ADAMTSL1: variants seen among roughly 807,000 people sequenced by gnomAD.
The protein encoded by ADAMTSL1 is ADAMTS like 1.
ADAMTSL1 carries 126 observed loss-of-function variants against 201.8 expected under a neutral mutation model. That is an observed-to-expected ratio of 0.62 (90% CI 0.54 to 0.72). The LOEUF (loss-of-function observed/expected upper bound fraction) is 0.72, where lower values mean the gene tolerates loss of function less well. Among genes scored for constraint, ADAMTSL1 ranks in the 30% least tolerant of loss-of-function variants. The pLI is 0.00. For synonymous variants in ADAMTSL1, 1,121 were observed against 903.4 expected (o/e 1.24, Z -4.32); for missense variants, 2,679 against 2,277.8 (o/e 1.18, Z -3.59).
chr9:18,333,227 C>A (rs541042699), intron 2 of ADAMTSL1, among the ~76,000 whole-genome samples: 1 of 152,242 alleles, frequency 6.6e-6, no homozygotes, highest in South Asian at 2.1e-4. Flanking sequence ...TCTTGAATGG[C>A]AATCCCCATA....
chr9:18,270,036 A>G (rs72684982), intron 2 of ADAMTSL1, among the ~76,000 whole-genome samples: 6,912 of 152,186 alleles, frequency 0.045, 244 homozygotes, highest in Non-Finnish European at 0.074. Flanking sequence ...AAGTGACTTT[A>G]TCATAGTCCA....
At chr9:18,034,522 C>G (rs925766430) in intron 1 of ADAMTSL1, among the ~76,000 whole-genome samples, 2 of 152,118 alleles carry the variant, frequency 1.3e-5, no homozygotes, top group African/African-American at 4.8e-5. Context: ...ATTTTCTTTC[C>G]CTTTTTTCAA....
chr9:18,589,855 A>C (rs936985300), intron 4 of ADAMTSL1, among the ~76,000 whole-genome samples: 1 of 152,084 alleles, frequency 6.6e-6, no homozygotes, highest in Non-Finnish European at 1.5e-5. Context: ...GATTTTGTTC[A>C]TGTACTGTAT....
chr9:17,961,544 C>A (rs1438958978), intron 1 of ADAMTSL1, among the ~76,000 whole-genome samples: 1 of 152,172 alleles, frequency 6.6e-6, no homozygotes, highest in Non-Finnish European at 1.5e-5. Flanking sequence ...AGCCACCACA[C>A]CAGGCCTATT....
chr9:18,769,200 A>T (rs1021690370), intron 16 of ADAMTSL1, among the ~76,000 whole-genome samples: 1 of 152,030 alleles, frequency 6.6e-6, no homozygotes, highest in African/African-American at 2.4e-5. Context: ...CCGGCAAAAA[A>T]CCCCATAGCC....
chr9:18,024,841 A>G (rs1271310836), intron 1 of ADAMTSL1, among the ~76,000 whole-genome samples: 1 of 152,168 alleles, frequency 6.6e-6, no homozygotes, highest in Admixed American at 6.6e-5. Flanking sequence ...AGAAATCTCC[A>G]AATTGTTTTC....
At chr9:17,992,075 C>G (rs1819174658) in intron 1 of ADAMTSL1, among the ~76,000 whole-genome samples, 1 of 152,100 alleles carries the variant, frequency 6.6e-6, no homozygotes, top group Admixed American at 6.6e-5. Context: ...TATTTTGCCC[C>G]TTCTGTGGGT....
chr9:18,702,053 A>G (rs1347525476), intron 13 of ADAMTSL1, among the ~76,000 whole-genome samples: 5 of 152,188 alleles, frequency 3.3e-5, no homozygotes, highest in African/African-American at 9.6e-5. Context: ...TTACATGGAT[A>G]GCGGCAGGCA....
At chr9:18,394,824 T>G (rs754025330) in intron 2 of ADAMTSL1, among the ~76,000 whole-genome samples, 67 of 152,196 alleles carry the variant, frequency 4.4e-4, no homozygotes, top group Non-Finnish European at 8.7e-4. Context: ...ATTATGCTAT[T>G]AAATGGAACA....
rs111881967 is a variant in ADAMTSL1 at position 18,889,792 on chromosome 9, G to A, written c.4643+44G>A. The A allele has an allele frequency of 2.3e-4, 320 of 1,403,656 alleles. 2 individuals are homozygous for A. In the African/African-American group the frequency reaches 4.1e-3, roughly 18 times the overall value. The allele number at this position is 1,403,656 out of a possible 1,614,324, so 87.0% of individuals were successfully genotyped here. A position where few individuals can be genotyped will look rare whatever the true frequency, so the allele number is the denominator to read the frequency against. ...GGCTCAGACCTCCCCACCCTAGGAG[G>A]AGCCCTCCCTGTTAGCGAAGTCAGT... On this transcript the variant is annotated intron_variant, in intron 25 of 28. Coordinates refer to ENST00000380548, the MANE Select transcript of ADAMTSL1 (RefSeq NM_001040272.6).
chr9:18,663,338 G>T (rs540046313), intron 9 of ADAMTSL1, among the ~76,000 whole-genome samples: 1 of 152,084 alleles, frequency 6.6e-6, no homozygotes, highest in East Asian at 1.9e-4. Context: ...TAAAATTTAG[G>T]TGAAGTTTAA....
chr9:18,269,223 A>G (rs1338090478), intron 2 of ADAMTSL1, among the ~76,000 whole-genome samples: 3 of 152,164 alleles, frequency 2.0e-5, no homozygotes, highest in African/African-American at 7.2e-5. Context: ...TTATTTATAT[A>G]CATATCATTT....
intron 1 of ADAMTSL1, among the ~76,000 whole-genome samples, chr9:18,108,415 G>T (rs1564004881): frequency 1.3e-5 from 2 of 151,976 alleles, no homozygotes; most frequent in South Asian, 4.2e-4. Context: ...GCACAGGCTG[G>T]TCTTGAACTC....
intron 1 of ADAMTSL1, among the ~76,000 whole-genome samples, chr9:18,004,273 A>C (rs1427324996): frequency 1.3e-5 from 2 of 152,064 alleles, no homozygotes; most frequent in East Asian, 3.9e-4. Context: ...AAGGAAGGAC[A>C]GGAAGGAGAC....
In ADAMTSL1 at chr9:18,684,966, C is replaced by A. The variant is rs1327694285; in HGVS notation, c.1574+166C>A. The A allele has an allele frequency of 3.6e-6, 5 of 1,387,684 alleles. 1 individual carries two copies. The highest frequency in any genetic ancestry group is 1.5e-5 in the African/African-American group (1 of 68,390). 86.0% of individuals were successfully genotyped at this position (1,387,684 alleles called of 1,614,324 possible). On this transcript the variant is annotated intron_variant, in intron 13 of 28. Coordinates refer to ENST00000380548, the MANE Select transcript of ADAMTSL1 (RefSeq NM_001040272.6). ...TTGATTAGTTTCAAAAAGTGTTTGT[C>A]AAAGCTGATGATTGCATTGTAAATA...
chr9:18,488,393 T>A (rs1368927134), intron 1 of ADAMTSL1, among the ~76,000 whole-genome samples: 1 of 152,180 alleles, frequency 6.6e-6, no homozygotes, highest in Non-Finnish European at 1.5e-5. Flanking sequence ...TTGTTAAAAT[T>A]ATGAAGGCTC....
chr9:18,329,321 A>G (rs913943743), intron 2 of ADAMTSL1, among the ~76,000 whole-genome samples: 2 of 152,184 alleles, frequency 1.3e-5, no homozygotes, highest in Non-Finnish European at 2.9e-5. Context: ...GTTGTTTGTA[A>G]TACACATTAG....
intron 2 of ADAMTSL1, among the ~76,000 whole-genome samples, chr9:18,349,003 A>G (rs1835846483): frequency 6.6e-6 from 1 of 152,162 alleles, no homozygotes; most frequent in Non-Finnish European, 1.5e-5. Context: ...TATTGTACCT[A>G]TTTTTCAAAG....
intron 2 of ADAMTSL1, among the ~76,000 whole-genome samples, chr9:18,333,657 G>C (rs1465263357): frequency 6.6e-6 from 1 of 152,106 alleles, no homozygotes; most frequent in African/African-American, 2.4e-5. Context: ...ACCAGTTGCT[G>C]TAACTGAGTA....
Sources: gnomAD v4.1 joint callset for allele counts (sites outside exome capture counted in the v4.1 genomes callset) on GRCh38, gnomAD v4.1.1 for gene constraint, MANE v1.5 for transcripts, NCBI Gene and HGNC (gene_info 2026-07-23, HGNC 2026-07-21) for gene names.